MYO10: variants seen among roughly 807,000 people sequenced by gnomAD.
The protein encoded by MYO10 is myosin X, also known as unconventional myosin-X.
In MYO10, 133 loss-of-function variants were observed where a neutral mutation model predicts 257.3. That is an observed-to-expected ratio of 0.52 (90% CI 0.45 to 0.60). The LOEUF (loss-of-function observed/expected upper bound fraction) is 0.60, where lower values mean the gene tolerates loss of function less well. MYO10 is among the 20% of genes least tolerant of loss of function. The pLI, the probability that MYO10 is intolerant of heterozygous loss-of-function variation, is 0.00. For missense variants in MYO10, 2,399 were observed against 2,635.7 expected (o/e 0.91, Z 1.97); for synonymous variants, 1,104 against 1,028.6 (o/e 1.07, Z -1.40).
intron 2 of MYO10, among the ~76,000 whole-genome samples, chr5:16,867,931 T>C (rs531640540): frequency 1.3e-4 from 20 of 152,302 alleles, no homozygotes; most frequent in Middle Eastern, 6.8e-3. Flanking sequence ...AGTGAATATT[T>C]TGGAAGACCC....
At chr5:16,686,378 T>C (rs1247614045) in intron 28 of MYO10, among the ~76,000 whole-genome samples, 1 of 152,174 alleles carries the variant, frequency 6.6e-6, no homozygotes, top group Non-Finnish European at 1.5e-5. Flanking sequence ...AAATGCTCAC[T>C]GGAACATTTC....
intron 19 of MYO10, among the ~76,000 whole-genome samples, chr5:16,727,099 C>T (rs1209320451): frequency 6.6e-6 from 1 of 152,086 alleles, no homozygotes; most frequent in East Asian, 1.9e-4. Context: ...TAAAGTATCT[C>T]ATTAATCATT....
intron 18 of MYO10, among the ~76,000 whole-genome samples, chr5:16,757,546 C>T (rs1448260832): frequency 6.6e-6 from 1 of 152,060 alleles, no homozygotes; most frequent in African/African-American, 2.4e-5. Context: ...TCAGAGTGGT[C>T]CCAAATGGCC....
intron 19 of MYO10, among the ~76,000 whole-genome samples, chr5:16,716,166 A>G (rs1409653697): frequency 6.6e-6 from 1 of 152,188 alleles, no homozygotes; most frequent in Non-Finnish European, 1.5e-5. Flanking sequence ...AAATCTATGT[A>G]GTTTTAATGT....
At chr5:16,864,515 T>C (rs1744189416) in intron 2 of MYO10, among the ~76,000 whole-genome samples, 1 of 152,162 alleles carries the variant, frequency 6.6e-6, no homozygotes, top group Non-Finnish European at 1.5e-5. Context: ...AGCCTGCATA[T>C]TTGCGTTCGT....
chr5:16,728,174 G>A (rs1739446260), intron 19 of MYO10, among the ~76,000 whole-genome samples: 1 of 152,120 alleles, frequency 6.6e-6, no homozygotes, highest in Non-Finnish European at 1.5e-5. Context: ...GCCTTTCACA[G>A]CCCTGCACCT....
chr5:16,899,997 CAAAAAAAAAA>C (rs60443560), intron 1 of MYO10, among the ~76,000 whole-genome samples: 7 of 88,282 alleles, frequency 7.9e-5, no homozygotes, highest in East Asian at 3.8e-4. Flanking sequence ...GATGCTGTCT[CAAAAAAAAAA>C]AAAAAAAAAA....
Position 16,877,636 on chromosome 5 carries a change from G to A in MYO10, c.93C>T (p.Ile31=), listed in dbSNP as rs778388142. The A allele has an allele frequency of 8.1e-6, 13 of 1,613,532 alleles. No individual in the cohort carries two copies. The highest frequency in any genetic ancestry group is 4.4e-5 in the South Asian group (4 of 91,052). The change falls in exon 2 of 41, where the codon ATC becomes ATT. Residue 31 remains isoleucine (I), a synonymous_variant. Transcript: ENST00000513610. ...PSTVNSCAEG[I]VVFRTDYGQV... is the part of the protein sequence containing the mutation. Reference sequence around the variant, plus strand: ...GACCATAGTCTGTCCGGAAGACGACGATGCCTTCTGCACAGGAATTTACAG... The same window carrying A: ...GACCATAGTCTGTCCGGAAGACGACAATGCCTTCTGCACAGGAATTTACAG...
At chr5:16,914,896 T>C (rs2126795163) in intron 1 of MYO10, among the ~76,000 whole-genome samples, 1 of 152,316 alleles carries the variant, frequency 6.6e-6, no homozygotes, top group African/African-American at 2.4e-5. Context: ...GGGTGGAACT[T>C]TCGCAGCTGA....
chr5:16,916,127 G>C (rs746048376), intron 1 of MYO10: 2 of 455,892 alleles, frequency 4.4e-6, no homozygotes, highest in Admixed American at 2.4e-5. Context: ...TCTCATTACC[G>C]ACCCATCAAG....
chr5:16,712,484 A>C (rs1017006487), intron 19 of MYO10, among the ~76,000 whole-genome samples: 3 of 152,208 alleles, frequency 2.0e-5, no homozygotes, highest in African/African-American at 7.2e-5. Context: ...GTTATCCCAC[A>C]CAACTGTGAA....
rs796474728 is a variant in MYO10 at position 16,677,416 on chromosome 5, C to CTTTTTTTTTTTTTTTTTTT, written c.4543-1263_4543-1262insAAAAAAAAAAAAAAAAAAA. On this transcript the variant is annotated intron_variant, in intron 33 of 40. Coordinates refer to ENST00000513610, the MANE Select transcript of MYO10 (RefSeq NM_012334.3). ...ATGGACTTATTTAGGGTAACTTGAC[C>CTTTTTTTTTTTTTTTTTTT]TTTTTTTTTTTTTTTTTGAGACGGA... is the stretch of plus-strand genomic sequence containing the variant. Among the ~76,000 whole-genome samples, 70 of 119,378 alleles carry CTTTTTTTTTTTTTTTTTTT rather than the reference C, an allele frequency of 5.9e-4. 3 individuals carry two copies. The highest frequency in any genetic ancestry group is 7.2e-4 in the Non-Finnish European group (42 of 58,000). 78.3% of individuals were successfully genotyped at this position (119,378 alleles called of 152,430 possible). A position where few individuals can be genotyped will look rare whatever the true frequency, so the allele number is the denominator to read the frequency against.
At chr5:16,755,530 G>A (rs1421206851) in intron 18 of MYO10, among the ~76,000 whole-genome samples, 3 of 152,072 alleles carry the variant, frequency 2.0e-5, no homozygotes, top group African/African-American at 7.2e-5. Context: ...ATATTTCAAC[G>A]TTTAGTACAG....
intron 2 of MYO10, among the ~76,000 whole-genome samples, chr5:16,844,891 T>C (rs563279561): frequency 6.6e-6 from 1 of 152,118 alleles, no homozygotes; most frequent in Admixed American, 6.6e-5. Context: ...CAGTAAAATT[T>C]GTTAAACTCT....
rs113905038 is a variant in MYO10, at chr5:16,732,087, G to C, written c.1930-20842C>G. ...GGAAGGGTGAGAGATAAAGCTGAAGGGGAACATTTCATATTTTGAGTAGAT... is the reference window on the plus strand; with the variant it reads ...GGAAGGGTGAGAGATAAAGCTGAAGCGGAACATTTCATATTTTGAGTAGAT... On this transcript the variant is annotated intron_variant, in intron 19 of 40. Coordinates refer to ENST00000513610, the MANE Select transcript of MYO10 (RefSeq NM_012334.3). Among the ~76,000 whole-genome samples the C allele has an allele frequency of 3.2e-3, 487 of 152,164 alleles. 3 individuals are homozygous for C. Among genetic ancestry groups the C allele is most frequent in the African/African-American group, 0.011 (460 of 41,520 alleles).
intron 4 of MYO10, among the ~76,000 whole-genome samples, chr5:16,785,124 C>T (rs1180871368): frequency 6.6e-6 from 1 of 152,232 alleles, no homozygotes; most frequent in African/African-American, 2.4e-5. Flanking sequence ...GCAAGCCCAG[C>T]CGGGGCGGGG....
Position 16,762,047 on chromosome 5 carries a change from C to G in MYO10, c.1654G>C (p.Glu552Gln), listed in dbSNP as rs773409713. 2 of 1,547,952 alleles carry G rather than the reference C, an allele frequency of 1.3e-6. No individual in the cohort carries two copies. The highest frequency in any genetic ancestry group is 2.8e-5 in the African/African-American group (2 of 71,002). ...NNFGVKHYAG[E>Q]VQYDVRGILE... Reference sequence around the variant, plus strand: ...TAGGTATCTTAATAAAAAGTTACCTCTCCAGCATAGTGCTTCACTCCAAAA... The same window carrying G: ...TAGGTATCTTAATAAAAAGTTACCTGTCCAGCATAGTGCTTCACTCCAAAA... The change falls in exon 16 of 41, where the codon GAG becomes CAG. Residue 552 changes from glutamate to glutamine, a missense_variant and splice_region_variant. Physicochemically the swap from Glu to Gln is conservative, Grantham distance 29. Coordinates refer to ENST00000513610, the MANE Select transcript of MYO10 (RefSeq NM_012334.3).
At chr5:16,754,139 A>G (rs953793941) in intron 19 of MYO10, among the ~76,000 whole-genome samples, 1 of 152,206 alleles carries the variant, frequency 6.6e-6, no homozygotes, top group Non-Finnish European at 1.5e-5. Context: ...TTGCTGAATC[A>G]AAATAATTTA....
chr5:16,804,855 G>A (rs562024738), intron 3 of MYO10, among the ~76,000 whole-genome samples: 23 of 152,240 alleles, frequency 1.5e-4, no homozygotes, highest in Middle Eastern at 6.8e-3. Flanking sequence ...GGTCAAGGCT[G>A]TAGTGAGCCA....
Sources: gnomAD v4.1 joint callset for allele counts (sites outside exome capture counted in the v4.1 genomes callset) on GRCh38, gnomAD v4.1.1 for gene constraint, MANE v1.5 for transcripts, NCBI Gene and HGNC (gene_info 2026-07-23, HGNC 2026-07-21) for gene names.